Variants in HEMK2 observed in about 807,000 individuals in gnomAD.
The protein encoded by HEMK2 is methyltransferase HEMK2.
At chr21:28,849,167 G>T in the HEMK2 span, among the ~76,000 whole-genome samples, 2 of 152,052 alleles carry the variant, frequency 1.3e-5, no homozygotes, top group African/African-American at 2.4e-5. Flanking sequence ...ACTTTGAGGG[G>T]CCAGAGAACA....
At chr21:28,809,405 G>A in the HEMK2 span, among the ~76,000 whole-genome samples, 1 of 152,144 alleles carries the variant, frequency 6.6e-6, no homozygotes, top group Admixed American at 6.6e-5. Context: ...AAGTAGTGAA[G>A]AATTACAAGA....
chr21:28,730,408 ACACACACAC>A, the HEMK2 span, among the ~76,000 whole-genome samples: 45 of 109,224 alleles, frequency 4.1e-4, 1 homozygote, highest in African/African-American at 1.8e-3. Flanking sequence ...ACACACACAC[ACACACACAC>A]ATTTCTCACA....
At chr21:28,812,850 T>C in the HEMK2 span, among the ~76,000 whole-genome samples, 1 of 152,226 alleles carries the variant, frequency 6.6e-6, no homozygotes, top group Non-Finnish European at 1.5e-5. Context: ...GATTTCTTCC[T>C]GGTTTAGTCT....
At chr21:28,873,029 A>T in the HEMK2 span, 1 of 152,216 alleles carries the variant, frequency 6.6e-6, no homozygotes, top group African/African-American at 2.4e-5. Context: ...TACCCTTGTC[A>T]ACTTGGCACC....
At chr21:28,863,294 G>A in the HEMK2 span, among the ~76,000 whole-genome samples, 11 of 150,944 alleles carry the variant, frequency 7.3e-5, no homozygotes, top group East Asian at 1.4e-3. Flanking sequence ...CCGTGAACGC[G>A]GGACTCCTAG....
chr21:28,829,958 C>A, the HEMK2 span, among the ~76,000 whole-genome samples: 1 of 152,142 alleles, frequency 6.6e-6, no homozygotes, highest in Non-Finnish European at 1.5e-5. Flanking sequence ...AATACGGAAT[C>A]CTAAGAGGGA....
the HEMK2 span, among the ~76,000 whole-genome samples, chr21:28,649,679 G>A: frequency 1.1e-4 from 17 of 152,116 alleles, no homozygotes; most frequent in Non-Finnish European, 2.4e-4. Context: ...CTTTTCAAAG[G>A]CGGTAACATT....
chr21:28,595,591 G>T, the HEMK2 span, among the ~76,000 whole-genome samples: 1 of 152,044 alleles, frequency 6.6e-6, no homozygotes. Context: ...GATGAACACA[G>T]GTTGCTTCCA....
chr21:28,838,277 G>T, the HEMK2 span, among the ~76,000 whole-genome samples: 1 of 152,180 alleles, frequency 6.6e-6, no homozygotes, highest in African/African-American at 2.4e-5. Flanking sequence ...GCTCACACCT[G>T]TAATCCCAGC....
At chr21:28,858,403 A>C in the HEMK2 span, among the ~76,000 whole-genome samples, 1 of 152,200 alleles carries the variant, frequency 6.6e-6, no homozygotes, top group Non-Finnish European at 1.5e-5. Flanking sequence ...CATTGTTACC[A>C]CAATCACCAG....
the HEMK2 span, among the ~76,000 whole-genome samples, chr21:28,792,867 C>A: frequency 6.6e-6 from 1 of 152,096 alleles, no homozygotes; most frequent in Non-Finnish European, 1.5e-5. Flanking sequence ...CTCCCAATGC[C>A]CAGGTAAATC....
At chr21:28,848,102 G>A in the HEMK2 span, among the ~76,000 whole-genome samples, 1 of 152,070 alleles carries the variant, frequency 6.6e-6, no homozygotes, top group South Asian at 2.1e-4. Context: ...TTGGCTATTC[G>A]AGCTCTTTTT....
the HEMK2 span, among the ~76,000 whole-genome samples, chr21:28,617,434 A>G: frequency 1.3e-5 from 2 of 152,212 alleles, no homozygotes; most frequent in South Asian, 4.1e-4. Flanking sequence ...GTCAGTATCA[A>G]ATCTCTCACT....
At chr21:28,671,234 G>A in the HEMK2 span, 3 of 152,192 alleles carry the variant, frequency 2.0e-5, no homozygotes, top group Non-Finnish European at 4.4e-5. Context: ...AAACAAATGT[G>A]GAAACTTAAT....
the HEMK2 span, among the ~76,000 whole-genome samples, chr21:28,603,687 C>T: frequency 6.6e-6 from 1 of 151,868 alleles, no homozygotes; most frequent in Non-Finnish European, 1.5e-5. Flanking sequence ...GACTACAACC[C>T]CAAGAAGGTT....
At chr21:28,684,272 T>C in the HEMK2 span, among the ~76,000 whole-genome samples, 9 of 152,242 alleles carry the variant, frequency 5.9e-5, no homozygotes, top group Non-Finnish European at 1.0e-4. Flanking sequence ...CTTTAAAATC[T>C]GGAATGTTGT....
the HEMK2 span, among the ~76,000 whole-genome samples, chr21:28,814,624 G>A: frequency 1.3e-5 from 2 of 151,616 alleles, no homozygotes; most frequent in Non-Finnish European, 2.9e-5. Context: ...AAAAACACAT[G>A]AAAAAATGCT....
the HEMK2 span, chr21:28,878,341 C>A: frequency 2.5e-6 from 4 of 1,611,862 alleles, no homozygotes; most frequent in East Asian, 2.2e-5. Context: ...TACCTGTGAA[C>A]AATTAGAAAG....
At chr21:28,790,832 TGGGGTG>T in the HEMK2 span, among the ~76,000 whole-genome samples, 2 of 83,956 alleles carry the variant, frequency 2.4e-5, no homozygotes, top group African/African-American at 9.9e-5. Context: ...GGGACTGTTG[TGGGGTG>T]GGGGGAGGGG....
Sources: gnomAD v4.1 joint callset for allele counts (sites outside exome capture counted in the v4.1 genomes callset) on GRCh38, gnomAD v4.1.1 for gene constraint, MANE v1.5 for transcripts, NCBI Gene and HGNC (gene_info 2026-07-23, HGNC 2026-07-21) for gene names.